RTN1: variants seen among roughly 807,000 people sequenced by gnomAD.
The protein encoded by RTN1 is reticulon-1.
RTN1 carries 25 observed loss-of-function variants against 65.5 expected under a neutral mutation model. That is an observed-to-expected ratio of 0.38 (90% CI 0.28 to 0.53). The LOEUF is 0.53. Ranked by LOEUF, RTN1 falls within the 20% of genes least tolerant of loss-of-function variation. RTN1 has a pLI of 0.79. For synonymous variants in RTN1, 471 were observed against 447.6 expected, an observed-to-expected ratio of 1.05 and a Z score of -0.66; for missense variants, 983 against 1,025.4, an observed-to-expected ratio of 0.96 and a Z score of 0.57.
At chr14:59,600,936 A>G (rs1595106299) in intron 8 of RTN1, among the ~76,000 whole-genome samples, 1 of 151,936 alleles carries the variant, frequency 6.6e-6, no homozygotes, top group South Asian at 2.1e-4. Flanking sequence ...AATTATGATA[A>G]CCTCCTAGCT....
chr14:59,727,387 T>C lies in RTN1; in HGVS notation c.1297A>G (p.Ser433Gly). The C allele has an allele frequency of 6.5e-7, 1 of 1,538,232 alleles. No individual in the cohort carries two copies. Among genetic ancestry groups the C allele is most frequent in the South Asian group, 1.2e-5 (1 of 83,454 alleles). ...AEDALPSGYV[S>G]FGHVGGPPPS... ...GGCGGGCCGCCCACGTGGCCAAAGC[T>C]CACATAGCCTGAGGGCAGCGCGTCC... The change falls in exon 3 of 9, where the codon AGC (serine) becomes GGC (glycine). Residue 433 changes from serine to glycine, a missense_variant. Ser to Gly is a moderately conservative substitution (Grantham distance 56). Transcript: ENST00000267484. This position sits in a 1 kb window ranked among gnomAD's most constrained non-coding sequence, Gnocchi z 4.2.
chr14:59,739,409 C>T (rs928119665), intron 2 of RTN1, among the ~76,000 whole-genome samples: 17 of 152,010 alleles, frequency 1.1e-4, no homozygotes, highest in African/African-American at 1.7e-4. Flanking sequence ...GGCATGGTGG[C>T]GGGCACATGT....
chr14:59,770,489 A>G (rs1413423482), intron 1 of RTN1, among the ~76,000 whole-genome samples: 4 of 151,804 alleles, frequency 2.6e-5, no homozygotes, highest in Admixed American at 2.6e-4. Flanking sequence ...TCAGATTTGC[A>G]GTAAGGCCAG....
chr14:59,790,948 AT>A lies in RTN1; in HGVS notation c.242-44468del, dbSNP rs1886336745. Among the ~76,000 whole-genome samples, 1 of 152,038 alleles carries A rather than the reference AT, an allele frequency of 6.6e-6. No individual in the cohort carries two copies. The highest frequency in any genetic ancestry group is 1.5e-5 in the Non-Finnish European group (1 of 68,008). ...TATCTTCTCCTATCTATTTCTAATT[AT>A]TTATTACTTTGGTAGCAATATCATT... On this transcript the variant is annotated intron_variant, in intron 1 of 8. Coordinates refer to ENST00000267484, the MANE Select transcript of RTN1 (RefSeq NM_021136.3). The surrounding 1 kb of genome is among the most constrained non-coding windows in gnomAD (Gnocchi z 4.1).
At chr14:59,857,628 C>G (rs1333935102) in intron 1 of RTN1, among the ~76,000 whole-genome samples, 1 of 152,176 alleles carries the variant, frequency 6.6e-6, no homozygotes, top group East Asian at 1.9e-4. Flanking sequence ...CCCATGGTTA[C>G]TTATTAGAGG....
chr14:59,819,861 G>A (rs1268999435), intron 1 of RTN1, among the ~76,000 whole-genome samples: 1 of 152,102 alleles, frequency 6.6e-6, no homozygotes, highest in Non-Finnish European at 1.5e-5. Flanking sequence ...CAGCCGCTCC[G>A]AGTGCGGGGC....
intron 1 of RTN1, among the ~76,000 whole-genome samples, chr14:59,787,137 C>T (rs1886262848): frequency 2.0e-5 from 3 of 152,112 alleles, no homozygotes; most frequent in African/African-American, 4.8e-5. Flanking sequence ...AAACACATCT[C>T]CCCATCAAGA....
At chr14:59,747,480 A>G (rs1885252381) in intron 1 of RTN1, among the ~76,000 whole-genome samples, 1 of 152,182 alleles carries the variant, frequency 6.6e-6, no homozygotes. Context: ...GTGTTGGCGC[A>G]TGCCTGTAAT....
At chr14:59,744,411 G>C (rs764394905) in intron 2 of RTN1, among the ~76,000 whole-genome samples, 19 of 152,334 alleles carry the variant, frequency 1.2e-4, no homozygotes, top group Non-Finnish European at 2.1e-4. Flanking sequence ...ACAGGGTGGG[G>C]TGAGGAGTTT....
rs1883997686 is a variant in RTN1, at chr14:59,693,275, G to T, written c.1765+33644C>A. Among the ~76,000 whole-genome samples, 2 of 152,172 alleles carry T rather than the reference G, an allele frequency of 1.3e-5. 1 individual carries two copies. Among genetic ancestry groups the T allele is most frequent in the South Asian group, 4.1e-4 (2 of 4,826 alleles). ...TAACTTTTTGCACAATTTATCTTTT[G>T]CAGCATTTGCTATAATATAAGCAGA... On this transcript the variant is annotated intron_variant, in intron 3 of 8. Transcript: ENST00000267484.
At chr14:59,801,194 G>A (rs564261789) in intron 1 of RTN1, among the ~76,000 whole-genome samples, 8 of 152,028 alleles carry the variant, frequency 5.3e-5, no homozygotes, top group Non-Finnish European at 1.2e-4. Context: ...AAATGATAAC[G>A]GCTGAGAACT....
intron 3 of RTN1, among the ~76,000 whole-genome samples, chr14:59,613,202 A>T (rs1402933289): frequency 6.6e-6 from 1 of 152,254 alleles, no homozygotes; most frequent in African/African-American, 2.4e-5. Flanking sequence ...GGCATGGCTA[A>T]CATCAGGTAA....
chr14:59,800,467 C>G (rs1886523293), intron 1 of RTN1, among the ~76,000 whole-genome samples: 1 of 152,198 alleles, frequency 6.6e-6, no homozygotes, highest in South Asian at 2.1e-4. Flanking sequence ...GTGGCACGAT[C>G]TCGGCTCACT....
At chr14:59,680,580 T>C (rs888168930) in intron 3 of RTN1, among the ~76,000 whole-genome samples, 1 of 152,174 alleles carries the variant, frequency 6.6e-6, no homozygotes, top group African/African-American at 2.4e-5. Context: ...TGTCCAGGCA[T>C]TGCCACATAA....
intron 3 of RTN1, among the ~76,000 whole-genome samples, chr14:59,656,020 G>A (rs9671962): frequency 0.018 from 2,731 of 152,228 alleles, 74 homozygotes; most frequent in African/African-American, 0.062. Context: ...ACAAAAAAAT[G>A]GAGTATATCC....
chr14:59,820,027 T>C (rs1886911866), intron 1 of RTN1, among the ~76,000 whole-genome samples: 1 of 152,230 alleles, frequency 6.6e-6, no homozygotes, highest in Non-Finnish European at 1.5e-5. Context: ...TACTCAAGCA[T>C]GGCCAGAGTG....
chr14:59,804,746 T>G (rs1886605930), intron 1 of RTN1, among the ~76,000 whole-genome samples: 1 of 152,204 alleles, frequency 6.6e-6, no homozygotes, highest in Non-Finnish European at 1.5e-5. Context: ...AATTTGCTGC[T>G]GGGAATGCAG....
chr14:59,628,057 G>A (rs560783984), intron 3 of RTN1, among the ~76,000 whole-genome samples: 4 of 151,938 alleles, frequency 2.6e-5, no homozygotes, highest in South Asian at 2.1e-4. Flanking sequence ...ACACCATGCC[G>A]GGCATGGTGA....
chr14:59,721,043 T>C (rs1289061038), intron 3 of RTN1, among the ~76,000 whole-genome samples: 3 of 152,062 alleles, frequency 2.0e-5, no homozygotes, highest in Admixed American at 2.0e-4. Flanking sequence ...AGTAAATGGG[T>C]CATACTTATT....
Sources: allele counts gnomAD v4.1 joint callset (sites outside exome capture counted in the v4.1 genomes callset), GRCh38; gene constraint gnomAD v4.1.1; non-coding constraint Gnocchi (gnomAD v3.1); transcripts MANE v1.5; gene names NCBI Gene and HGNC (gene_info 2026-07-23, HGNC 2026-07-21).